Variants in USP3 observed in about 807,000 individuals in gnomAD.
USP3 encodes ubiquitin carboxyl-terminal hydrolase 3.
A neutral mutation model predicts 72.3 loss-of-function variants in USP3; 20 were observed. The ratio of observed to expected loss-of-function variants is 0.28; its 90% confidence interval spans 0.19 to 0.40. USP3 has a LOEUF of 0.40. Among genes scored for constraint, USP3 ranks in the 10% least tolerant of loss-of-function variants. USP3 has a pLI of 1.00. For missense variants in USP3, 479 were observed against 633.9 expected, an observed-to-expected ratio of 0.76 and a Z score of 2.62; for synonymous variants, 222 against 225.3, an observed-to-expected ratio of 0.99 and a Z score of 0.13.
intron 11 of USP3, among the ~76,000 whole-genome samples, chr15:63,581,442 G>A (rs200084444): frequency 1.2e-4 from 18 of 149,424 alleles, no homozygotes; most frequent in East Asian, 2.0e-4. Context: ...AGAGTGCAGC[G>A]GTGCAATCTT....
Position 63,544,008 on chromosome 15 carries a change from G to A in USP3, c.284+6852G>A, listed in dbSNP as rs1487979866. 4.0e-5 allele frequency among the ~76,000 whole-genome samples: 6 copies of A among 148,386 alleles called. No homozygotes were observed. Among genetic ancestry groups the A allele is most frequent in the African/African-American group, 1.2e-4 (5 of 40,050 alleles). Reference sequence around the variant, plus strand: ...GAGGATCTCTTGAGCCCAGGAGTTCGAGACCAGCCTGGGCAACACAGGGAG... The same window carrying A: ...GAGGATCTCTTGAGCCCAGGAGTTCAAGACCAGCCTGGGCAACACAGGGAG... On this transcript the variant is annotated intron_variant, in intron 3 of 14. Transcript: ENST00000380324. This position sits in a 1 kb window ranked among gnomAD's most constrained non-coding sequence, Gnocchi z 4.2.
Position 63,529,168 on chromosome 15 carries a change from T to A in USP3, c.92-3479T>A. ...TGCAATCACCACCACACTTGGCAGGTAGTAAAGTGGTTTTTTTTTTTTTCT... is the reference window on the plus strand; with the variant it reads ...TGCAATCACCACCACACTTGGCAGGAAGTAAAGTGGTTTTTTTTTTTTTCT... On this transcript the variant is annotated intron_variant, in intron 1 of 14. Coordinates refer to ENST00000380324, the MANE Select transcript of USP3 (RefSeq NM_006537.4). This position sits in a 1 kb window ranked among gnomAD's most constrained non-coding sequence, Gnocchi z 4.2. 1 of 727,146 alleles carries A rather than the reference T, an allele frequency of 1.4e-6. No homozygotes were observed. The highest frequency in any genetic ancestry group is 2.1e-6 in the Non-Finnish European group (1 of 485,070). 45.0% of individuals were successfully genotyped at this position (727,146 alleles called of 1,614,324 possible).
chr15:63,575,223 T>C (rs2066844679), intron 11 of USP3, among the ~76,000 whole-genome samples: 1 of 151,228 alleles, frequency 6.6e-6, no homozygotes, highest in South Asian at 2.1e-4. Context: ...ACGAGTCATG[T>C]AGCTATTAAA....
chr15:63,584,115 T>C (rs1222103261), intron 11 of USP3, among the ~76,000 whole-genome samples: 1 of 122,022 alleles, frequency 8.2e-6, no homozygotes, highest in Non-Finnish European at 1.7e-5. Flanking sequence ...TTTTTTTTTT[T>C]GAGATGGAGT....
chr15:63,559,209 C>T (rs1437230043), intron 6 of USP3, among the ~76,000 whole-genome samples: 1 of 152,226 alleles, frequency 6.6e-6, no homozygotes, highest in East Asian at 1.9e-4. Context: ...GAGATGTCTT[C>T]AAAATATGAG....
rs747833954 is a variant in USP3 at position 63,558,194 on chromosome 15, G to C, written c.533+6G>C. ...GCCATCCTTCAGTCACTCAGGTAACGCTACAGTCAGAGCTTAAGTGTCTGA... is the reference window on the plus strand; with the variant it reads ...GCCATCCTTCAGTCACTCAGGTAACCCTACAGTCAGAGCTTAAGTGTCTGA... On this transcript the variant is annotated splice_donor_region_variant and intron_variant, in intron 6 of 14. Transcript: ENST00000380324. 6.2e-7 allele frequency: 1 copy of C among 1,613,756 alleles called. No individual in the cohort carries two copies. The highest frequency in any genetic ancestry group is 8.5e-7 in the Non-Finnish European group (1 of 1,179,962).
rs549151157 is a variant in USP3 at position 63,591,641 on chromosome 15, T to C, written c.*815T>C. On this transcript the variant is annotated 3_prime_UTR_variant, in exon 15 of 15. Coordinates refer to ENST00000380324, the MANE Select transcript of USP3 (RefSeq NM_006537.4). ...GCGTCTGCCTCCTTTTGAATCAGTA[T>C]CTCATTCCCCCTTAGTTGTACCACT... is the stretch of plus-strand genomic sequence containing the variant. 5.9e-5 allele frequency: 9 copies of C among 152,286 alleles called. No individual in the cohort carries two copies. Among genetic ancestry groups the C allele is most frequent in the Non-Finnish European group, 1.0e-4 (7 of 68,044 alleles). The allele number at this position is 152,286 out of a possible 1,614,324, so 9.4% of individuals were successfully genotyped here.
chr15:63,546,905 G>T (rs1168234857), intron 3 of USP3, among the ~76,000 whole-genome samples: 1 of 152,210 alleles, frequency 6.6e-6, no homozygotes, highest in East Asian at 1.9e-4. Flanking sequence ...ACCGCGTCCA[G>T]CCAATCTGTT....
intron 1 of USP3, among the ~76,000 whole-genome samples, chr15:63,527,577 T>C (rs548336379): frequency 8.5e-5 from 13 of 152,360 alleles, no homozygotes; most frequent in African/African-American, 3.1e-4. Context: ...TCCTCTATTA[T>C]GAGATTCTCT....
chr15:63,520,825 A>C (rs1296708674), intron 1 of USP3, among the ~76,000 whole-genome samples: 1 of 151,970 alleles, frequency 6.6e-6, no homozygotes, highest in Non-Finnish European at 1.5e-5. Flanking sequence ...GGCCTCCCAA[A>C]GTGCTAGGAT....
rs1363533831 is a variant in USP3, at chr15:63,570,147, C to G, written c.762-286C>G. Reference sequence around the variant, plus strand: ...TGTAGGACGTTGGGGAAGTCACATACCACCCCGCCACCTCCACAATTTCCT... The same window carrying G: ...TGTAGGACGTTGGGGAAGTCACATAGCACCCCGCCACCTCCACAATTTCCT... On this transcript the variant is annotated intron_variant, in intron 8 of 14. Transcript: ENST00000380324. This position sits in a 1 kb window ranked among gnomAD's most constrained non-coding sequence, Gnocchi z 4.4. Among the ~76,000 whole-genome samples the G allele has an allele frequency of 6.6e-6, 1 of 152,172 alleles. No individual in the cohort carries two copies. The highest frequency in any genetic ancestry group is 2.4e-5 in the African/African-American group (1 of 41,440).
At chr15:63,505,717 A>T (rs962457595) in intron 1 of USP3, among the ~76,000 whole-genome samples, 2 of 152,142 alleles carry the variant, frequency 1.3e-5, no homozygotes, top group African/African-American at 4.8e-5. Flanking sequence ...CACCGGCCAC[A>T]CGGCTTTGCT....
chr15:63,549,812 C>T (rs374365620), intron 3 of USP3, among the ~76,000 whole-genome samples: 23 of 152,188 alleles, frequency 1.5e-4, no homozygotes, highest in African/African-American at 5.5e-4. Context: ...CTTTGATTGT[C>T]GAATATTGGC....
chr15:63,527,038 G>A (rs1328625670), intron 1 of USP3, among the ~76,000 whole-genome samples: 1 of 152,180 alleles, frequency 6.6e-6, no homozygotes, highest in East Asian at 1.9e-4. Context: ...GGGACCACAG[G>A]TGTGCACCAC....
chr15:63,531,049 G>C (rs974603123), intron 1 of USP3, among the ~76,000 whole-genome samples: 1 of 152,170 alleles, frequency 6.6e-6, no homozygotes, highest in Non-Finnish European at 1.5e-5. Context: ...AATGCACTAA[G>C]AAAAGGGAAG....
intron 3 of USP3, among the ~76,000 whole-genome samples, chr15:63,551,503 C>T (rs1319417972): frequency 6.6e-6 from 1 of 152,012 alleles, no homozygotes; most frequent in Non-Finnish European, 1.5e-5. Context: ...TAAACAATTA[C>T]AATGCTACAT....
chr15:63,548,876 T>C lies in USP3; in HGVS notation c.285-4839T>C, dbSNP rs778165208. ...GCCCGACTATAAAATTGAGTTCTTATAGTTCAATAAAGTTAATTTATTATC... is the reference window on the plus strand; with the variant it reads ...GCCCGACTATAAAATTGAGTTCTTACAGTTCAATAAAGTTAATTTATTATC... On this transcript the variant is annotated intron_variant, in intron 3 of 14. Transcript: ENST00000380324. 2.3e-4 allele frequency among the ~76,000 whole-genome samples: 35 copies of C among 152,196 alleles called. 1 individual carries two copies. Among genetic ancestry groups the C allele is most frequent in the Non-Finnish European group, 5.0e-4 (34 of 68,038 alleles).
chr15:63,580,647 T>TAC (rs1431795278), intron 11 of USP3, among the ~76,000 whole-genome samples: 3 of 62,146 alleles, frequency 4.8e-5, no homozygotes, highest in Non-Finnish European at 7.5e-5. Context: ...GGTGCATATA[T>TAC]ATATGAATAT....
chr15:63,569,592 G>A (rs1487922497), intron 8 of USP3, among the ~76,000 whole-genome samples: 1 of 152,128 alleles, frequency 6.6e-6, no homozygotes, highest in African/African-American at 2.4e-5. Context: ...GCAAAATGCA[G>A]ACAGAAGTTT....
Sources: allele counts gnomAD v4.1 joint callset (sites outside exome capture counted in the v4.1 genomes callset), GRCh38; gene constraint gnomAD v4.1.1; non-coding constraint Gnocchi (gnomAD v3.1); transcripts MANE v1.5; gene names NCBI Gene and HGNC (gene_info 2026-07-23, HGNC 2026-07-21).